Variants in PPFIA2 observed in about 807,000 individuals in gnomAD.
PPFIA2 encodes the protein liprin-alpha-2.
Under a neutral mutation model 175.5 loss-of-function variants are expected in PPFIA2, and 46 were observed. The ratio of observed to expected loss-of-function variants is 0.26; its 90% CI spans 0.21 to 0.34. PPFIA2 has a LOEUF of 0.34. Among genes scored for constraint, PPFIA2 ranks in the 10% least tolerant of loss-of-function variants. The pLI, the probability that PPFIA2 is intolerant of heterozygous loss-of-function variation, is 1.00. For synonymous variants in PPFIA2, 568 were observed against 511.4 expected (o/e 1.11, Z -1.49); for missense variants, 1,179 against 1,506.1 (o/e 0.78, Z 3.60).
intron 3 of PPFIA2, among the ~76,000 whole-genome samples, chr12:81,685,358 C>T (rs1436834449): frequency 1.9e-4 from 29 of 152,014 alleles, no homozygotes; most frequent in African/African-American, 7.0e-4. Flanking sequence ...AGGAAACATA[C>T]AGACCAATTT....
intron 22 of PPFIA2, among the ~76,000 whole-genome samples, chr12:81,303,416 A>G (rs1309305058): frequency 1.3e-5 from 2 of 152,198 alleles, no homozygotes; most frequent in Non-Finnish European, 2.9e-5. Flanking sequence ...ACTTCCTTTT[A>G]GAGGAAGTGT....
intron 7 of PPFIA2, among the ~76,000 whole-genome samples, chr12:81,433,798 G>C (rs934454338): frequency 1.3e-5 from 2 of 152,274 alleles, no homozygotes; most frequent in African/African-American, 4.8e-5. Flanking sequence ...AAAGGAGAGA[G>C]ATGAAGTCTA....
chr12:81,369,522 T>A (rs1219746471), intron 11 of PPFIA2: 2 of 806,076 alleles, frequency 2.5e-6, no homozygotes, highest in African/African-American at 1.8e-5. Context: ...GCACAGATGG[T>A]TGATTATCAA....
At chr12:81,439,498 G>T (rs982212757) in intron 7 of PPFIA2, among the ~76,000 whole-genome samples, 2 of 151,938 alleles carry the variant, frequency 1.3e-5, no homozygotes, top group Admixed American at 6.6e-5. Context: ...AACTTTTTTG[G>T]GGGTTGTGAA....
Position 81,559,024 on chromosome 12 carries a change from A to C in PPFIA2, c.304-101158T>G, listed in dbSNP as rs80291330. On this transcript the variant is annotated intron_variant, in intron 4 of 32. Coordinates refer to ENST00000549396, the MANE Select transcript of PPFIA2 (RefSeq NM_003625.5). Reference sequence around the variant, plus strand: ...TAATCTATTTTCTTAAATTCATTTCAGAGTTAATAGCCCTGAAAATTAAGA... The same window carrying C: ...TAATCTATTTTCTTAAATTCATTTCCGAGTTAATAGCCCTGAAAATTAAGA... 5.3e-5 allele frequency among the ~76,000 whole-genome samples: 8 copies of C among 152,324 alleles called. No homozygotes were observed. In the East Asian group the frequency reaches 1.2e-3, roughly 22 times the overall value.
chr12:81,374,428 C>T (rs899847534), intron 11 of PPFIA2, among the ~76,000 whole-genome samples: 5 of 151,906 alleles, frequency 3.3e-5, no homozygotes, highest in South Asian at 2.1e-4. Flanking sequence ...TTTAAATAGG[C>T]AGGGGGATCA....
In PPFIA2 at chr12:81,358,221, G is replaced by T. The variant is rs779064749; in HGVS notation, c.1638-4C>A. The T allele has an allele frequency of 6.4e-7, 1 of 1,559,418 alleles. No individual in the cohort carries two copies. Among genetic ancestry groups the T allele is most frequent in the South Asian group, 1.2e-5 (1 of 83,530 alleles). On this transcript the variant is annotated splice_region_variant and splice_polypyrimidine_tract_variant and intron_variant, in intron 15 of 32. Transcript: ENST00000549396. ...AGCTGAGGTGTCTAGATGAGTTCTG[G>T]AAAAAAGGAAAAATATAAAATAATC...
chr12:81,262,981 C>T (rs2036121740), intron 31 of PPFIA2, among the ~76,000 whole-genome samples: 1 of 152,078 alleles, frequency 6.6e-6, no homozygotes, highest in Non-Finnish European at 1.5e-5. Flanking sequence ...ATTGTTCCTC[C>T]TAGAGGTGGA....
intron 5 of PPFIA2, among the ~76,000 whole-genome samples, chr12:81,447,743 G>C (rs1336045033): frequency 6.6e-6 from 1 of 152,254 alleles, no homozygotes; most frequent in South Asian, 2.1e-4. Flanking sequence ...CTCTGGATTT[G>C]GGTGTTAGCT....
chr12:81,644,441 A>G (rs2065781373), intron 4 of PPFIA2, among the ~76,000 whole-genome samples: 1 of 152,032 alleles, frequency 6.6e-6, no homozygotes, highest in African/African-American at 2.4e-5. Context: ...CTGTTATTTT[A>G]AGCTAAATCT....
chr12:81,338,138 T>G (rs2057415976), intron 21 of PPFIA2, among the ~76,000 whole-genome samples: 1 of 152,108 alleles, frequency 6.6e-6, no homozygotes, highest in African/African-American at 2.4e-5. Flanking sequence ...AATCAGAAAT[T>G]CTTTTGATGG....
At chr12:81,348,679 TGAGCC>T (rs1302316225) in intron 17 of PPFIA2, among the ~76,000 whole-genome samples, 1 of 152,104 alleles carries the variant, frequency 6.6e-6, no homozygotes, top group Admixed American at 6.5e-5. Context: ...GAGTTTGCAG[TGAGCC>T]GAGATAGCGC....
chr12:81,660,148 C>G (rs2068555458), intron 4 of PPFIA2, among the ~76,000 whole-genome samples: 1 of 152,150 alleles, frequency 6.6e-6, no homozygotes, highest in African/African-American at 2.4e-5. Flanking sequence ...CTCCTTTCCT[C>G]CTCCAAAGGA....
intron 28 of PPFIA2, among the ~76,000 whole-genome samples, chr12:81,268,488 G>T (rs1345504703): frequency 6.6e-6 from 1 of 152,146 alleles, no homozygotes; most frequent in South Asian, 2.1e-4. Context: ...TGGGTATCTG[G>T]CCAGGTCACA....
intron 4 of PPFIA2, among the ~76,000 whole-genome samples, chr12:81,585,742 T>A (rs1460004369): frequency 2.0e-5 from 3 of 151,944 alleles, no homozygotes; most frequent in Admixed American, 1.3e-4. Context: ...TTTTTTTTAA[T>A]AAGTAGAAGT....
intron 4 of PPFIA2, among the ~76,000 whole-genome samples, chr12:81,667,702 A>G (rs1401767624): frequency 2.0e-5 from 3 of 151,962 alleles, no homozygotes; most frequent in Non-Finnish European, 4.4e-5. Context: ...GCTTGAGCAG[A>G]TTCATAACTT....
chr12:81,497,530 CTTTT>C (rs34030284), intron 4 of PPFIA2, among the ~76,000 whole-genome samples: 4 of 66,198 alleles, frequency 6.0e-5, no homozygotes, highest in African/African-American at 2.2e-4. Context: ...TCATTGATGT[CTTTT>C]TTTTTTTTTT....
At chr12:81,440,813 G>GATATATATATAT (rs142582712) in intron 6 of PPFIA2, among the ~76,000 whole-genome samples, 41 of 143,152 alleles carry the variant, frequency 2.9e-4, no homozygotes, top group African/African-American at 9.8e-4. Flanking sequence ...TATATGTCCT[G>GATATATATATAT]ATATATATAT....
intron 4 of PPFIA2, among the ~76,000 whole-genome samples, chr12:81,586,578 A>G (rs563823471): frequency 1.2e-4 from 14 of 121,508 alleles, no homozygotes; most frequent in African/African-American, 3.8e-4. Context: ...CATAACAAAG[A>G]TTCAATATGG....
Sources: allele counts gnomAD v4.1 joint callset (sites outside exome capture counted in the v4.1 genomes callset), GRCh38; gene constraint gnomAD v4.1.1; transcripts MANE v1.5; gene names NCBI Gene and HGNC (gene_info 2026-07-23, HGNC 2026-07-21).